PXK: variants seen among roughly 807,000 people sequenced by gnomAD.
PXK encodes PX domain containing serine/threonine kinase like.
In PXK, 35 loss-of-function variants were observed where a neutral mutation model predicts 84.7. The ratio of observed to expected loss-of-function variants is 0.41; its 90% CI spans 0.32 to 0.55. The LOEUF (loss-of-function observed/expected upper bound fraction) is 0.55. Among genes scored for constraint, PXK ranks in the 20% least tolerant of loss-of-function variants. The pLI, the probability that PXK is intolerant of heterozygous loss-of-function variation, is 0.21. For missense variants in PXK, 634 were observed against 699.7 expected (o/e 0.91, Z 1.06); for synonymous variants, 253 against 260.8 (o/e 0.97, Z 0.29).
chr3:58,353,065 C>A (rs943919284), intron 1 of PXK, among the ~76,000 whole-genome samples: 1 of 151,638 alleles, frequency 6.6e-6, no homozygotes, highest in Non-Finnish European at 1.5e-5. Flanking sequence ...GGTGCGATCT[C>A]GGCTCACTGC....
intron 7 of PXK, among the ~76,000 whole-genome samples, chr3:58,393,431 T>C (rs1280728865): frequency 6.6e-6 from 1 of 152,226 alleles, no homozygotes; most frequent in Non-Finnish European, 1.5e-5. Flanking sequence ...GTTGTTACTT[T>C]TTAAGAATTT....
chr3:58,334,305 A>G (rs1166751841), intron 1 of PXK, among the ~76,000 whole-genome samples: 3 of 152,160 alleles, frequency 2.0e-5, no homozygotes, highest in Non-Finnish European at 4.4e-5. Context: ...AAAAAGGGCT[A>G]TTTATTTCAC....
At position 58,369,840 on chromosome 3, in the gene PXK, AAC is replaced by A. The variant is rs1553768233; in HGVS notation, c.201+364_201+365del. ...ACTCTGTCTCAAAAAAAAAAAAAAA[AAC>A]AAAACTGGTTGGAAATGGCAATATC... On this transcript the variant is annotated intron_variant, in intron 3 of 17. Coordinates refer to ENST00000356151, the MANE Select transcript of PXK (RefSeq NM_017771.5). Among the ~76,000 whole-genome samples the A allele has an allele frequency of 9.9e-3, 1,499 of 151,336 alleles. 27 individuals carry two copies. Among genetic ancestry groups the A allele is most frequent in the African/African-American group, 0.034 (1,395 of 41,006 alleles).
chr3:58,357,968 A>G (rs1320333943), intron 1 of PXK, among the ~76,000 whole-genome samples: 2 of 150,656 alleles, frequency 1.3e-5, no homozygotes, highest in Non-Finnish European at 3.0e-5. Flanking sequence ...CTGTCTCAAA[A>G]CAAAAAAACA....
At chr3:58,402,435 C>CTT (rs751026027) in intron 12 of PXK, among the ~76,000 whole-genome samples, 2 of 142,676 alleles carry the variant, frequency 1.4e-5, no homozygotes, top group Non-Finnish European at 1.5e-5. Context: ...CTTTTCTTTT[C>CTT]TTTTTTTTTT....
At position 58,333,037 on chromosome 3, in the gene PXK, AC is replaced by A; in HGVS notation, c.50del (p.Thr17ArgfsTer4). The A allele has an allele frequency of 7.4e-7, 1 of 1,353,028 alleles. No homozygotes were observed. The highest frequency in any genetic ancestry group is 9.6e-7 in the Non-Finnish European group (1 of 1,038,522). 83.8% of individuals were successfully genotyped at this position (1,353,028 alleles called of 1,614,324 possible). A position where few individuals can be genotyped will look rare whatever the true frequency, so the allele number is the denominator to read the frequency against. On this transcript the variant is annotated frameshift_variant, in exon 1 of 18. Transcript: ENST00000356151. LOFTEE classifies it high-confidence loss of function. This position sits in a 1 kb window ranked among gnomAD's most constrained non-coding sequence, Gnocchi z 5.4. ...PPAGKVLLDD[T>X]VPLTAAIEAS... Reference sequence around the variant, plus strand: ...AGCCGGCAAGGTGCTGCTGGACGACACGGTGCCGCTGACAGCAGCCATCGAG... The same window carrying A: ...AGCCGGCAAGGTGCTGCTGGACGACAGGTGCCGCTGACAGCAGCCATCGAG...
intron 17 of PXK, among the ~76,000 whole-genome samples, chr3:58,418,322 A>T (rs965085646): frequency 2.6e-5 from 4 of 152,188 alleles, no homozygotes; most frequent in African/African-American, 9.7e-5. Context: ...GCTTAGGTCC[A>T]TTTTACAGTT....
At chr3:58,335,238 T>C (rs2097573621) in intron 1 of PXK, among the ~76,000 whole-genome samples, 1 of 152,166 alleles carries the variant, frequency 6.6e-6, no homozygotes, top group African/African-American at 2.4e-5. Context: ...CTTGTAGGGA[T>C]GACTGACCAC....
At chr3:58,381,555 C>CAA (rs34125797) in intron 3 of PXK, among the ~76,000 whole-genome samples, 42,809 of 120,614 alleles carry the variant, frequency 0.35, 8,206 homozygotes, top group Middle Eastern at 0.4. Context: ...AATAGAAAAC[C>CAA]AAAAAAAAAA....
At chr3:58,375,034 T>TA (rs34593099) in intron 3 of PXK, among the ~76,000 whole-genome samples, 44,493 of 152,110 alleles carry the variant, frequency 0.29, 7,289 homozygotes, top group Middle Eastern at 0.39. Flanking sequence ...GGCAGAGCAA[T>TA]ACATTTAAAA....
Position 58,425,877 on chromosome 3 carries a change from A to C in PXK, c.*917A>C, listed in dbSNP as rs991652408. 1 of 152,236 alleles carries C rather than the reference A, an allele frequency of 6.6e-6. No individual in the cohort carries two copies. The highest frequency in any genetic ancestry group is 1.5e-5 in the Non-Finnish European group (1 of 68,042). 9.4% of individuals were successfully genotyped at this position (152,236 alleles called of 1,614,324 possible). A position where few individuals can be genotyped will look rare whatever the true frequency, so the allele number is the denominator to read the frequency against. On this transcript the variant is annotated 3_prime_UTR_variant, in exon 18 of 18. Coordinates refer to ENST00000356151, the MANE Select transcript of PXK (RefSeq NM_017771.5). ...CTGATTTGCTTAAACCTTTCAATAA[A>C]TTGCACTTTAAAGGATTATAAATAA... is the stretch of plus-strand genomic sequence containing the variant.
chr3:58,337,258 A>C (rs1458157580), intron 1 of PXK, among the ~76,000 whole-genome samples: 1 of 152,272 alleles, frequency 6.6e-6, no homozygotes, highest in African/African-American at 2.4e-5. Context: ...AGTGGAAAAG[A>C]TAATATTACA....
Position 58,367,497 on chromosome 3 carries a change from G to A in PXK, c.153+1573G>A, listed in dbSNP as rs192634207. Among the ~76,000 whole-genome samples the A allele has an allele frequency of 1.7e-3, 264 of 152,048 alleles. 2 individuals carry two copies. Among genetic ancestry groups the A allele is most frequent in the African/African-American group, 5.9e-3 (243 of 41,464 alleles). Reference sequence around the variant, plus strand: ...CCTGACCTCGTGATCCGCCTGCCTCGGCCTCCCAAAGTGTTGGGATTACAG... The same window carrying A: ...CCTGACCTCGTGATCCGCCTGCCTCAGCCTCCCAAAGTGTTGGGATTACAG... On this transcript the variant is annotated intron_variant, in intron 2 of 17. Transcript: ENST00000356151.
Position 58,332,922 on chromosome 3 carries a change from G to T in PXK, c.-67G>T, listed in dbSNP as rs2097519930. The T allele has an allele frequency of 1.9e-6, 2 of 1,058,884 alleles. No homozygotes were observed. Among genetic ancestry groups the T allele is most frequent in the South Asian group, 2.4e-5 (1 of 42,264 alleles). The allele number at this position is 1,058,884 out of a possible 1,614,324, so 65.6% of individuals were successfully genotyped here. ...CAGCGGCGGCGGTGGAACCGGGCGGGCGGCGGGAGTCGGCGCCTCGGGTTC... is the reference window on the plus strand; with the variant it reads ...CAGCGGCGGCGGTGGAACCGGGCGGTCGGCGGGAGTCGGCGCCTCGGGTTC... On this transcript the variant is annotated 5_prime_UTR_variant, in exon 1 of 18. Coordinates refer to ENST00000356151, the MANE Select transcript of PXK (RefSeq NM_017771.5). This position sits in a 1 kb window ranked among gnomAD's most constrained non-coding sequence, Gnocchi z 5.6.
At chr3:58,344,984 A>C (rs1374690664) in intron 1 of PXK, among the ~76,000 whole-genome samples, 5 of 151,944 alleles carry the variant, frequency 3.3e-5, no homozygotes, top group Non-Finnish European at 7.4e-5. Context: ...GGGTTCCAAC[A>C]TCAGTACATA....
At chr3:58,368,544 A>G (rs1290076946) in intron 2 of PXK, among the ~76,000 whole-genome samples, 6 of 151,590 alleles carry the variant, frequency 4.0e-5, no homozygotes, top group Admixed American at 6.6e-5. Context: ...CTGGTCTCGA[A>G]CTCCTGGCCT....
At chr3:58,343,991 T>C (rs1308399580) in intron 1 of PXK, among the ~76,000 whole-genome samples, 1 of 152,208 alleles carries the variant, frequency 6.6e-6, no homozygotes, top group South Asian at 2.1e-4. Flanking sequence ...TACCTTGTTT[T>C]CTGTTTATAA....
intron 7 of PXK, among the ~76,000 whole-genome samples, chr3:58,393,762 A>T (rs1480140637): frequency 6.6e-6 from 1 of 152,220 alleles, no homozygotes; most frequent in Non-Finnish European, 1.5e-5. Context: ...GACACTACAT[A>T]TTCTGTTCTT....
chr3:58,367,156 C>T (rs2098284171), intron 2 of PXK, among the ~76,000 whole-genome samples: 1 of 152,056 alleles, frequency 6.6e-6, no homozygotes. Context: ...GGTGTGATAC[C>T]TTTCTTCACC....
Sources: gnomAD v4.1 joint callset for allele counts (sites outside exome capture counted in the v4.1 genomes callset) on GRCh38, gnomAD v4.1.1 for gene constraint, Gnocchi (gnomAD v3.1) non-coding constraint, MANE v1.5 for transcripts, NCBI Gene and HGNC (gene_info 2026-07-23, HGNC 2026-07-21) for gene names.